CSMD1: variants seen among roughly 807,000 people sequenced by gnomAD.
CSMD1 encodes the protein CUB and sushi domain-containing protein 1.
In CSMD1, 213 loss-of-function variants were observed where a neutral mutation model predicts 417.5. The observed-to-expected ratio is 0.51, with a 90% confidence interval of 0.46 to 0.57. The LOEUF is 0.57. Ranked by LOEUF, CSMD1 falls within the 20% of genes least tolerant of loss-of-function variation. The pLI is 0.00. For synonymous variants in CSMD1, 2,862 were observed against 1,736.8 expected (o/e 1.65, Z -16.11); for missense variants, 6,923 against 4,529.7 (o/e 1.53, Z -15.17).
At chr8:4,092,842 C>G (rs959592081) in intron 3 of CSMD1, among the ~76,000 whole-genome samples, 1 of 152,066 alleles carries the variant, frequency 6.6e-6, no homozygotes, top group Non-Finnish European at 1.5e-5. Context: ...AAGCACTTTG[C>G]TGGTTGAATA....
At chr8:4,987,781 G>C (rs998665778) in intron 1 of CSMD1, among the ~76,000 whole-genome samples, 1 of 152,092 alleles carries the variant, frequency 6.6e-6, no homozygotes, top group Non-Finnish European at 1.5e-5. Context: ...CTGTCATCTT[G>C]GCTAAAAGAA....
At chr8:4,809,172 A>G (rs1418395144) in intron 1 of CSMD1, among the ~76,000 whole-genome samples, 1 of 152,246 alleles carries the variant, frequency 6.6e-6, no homozygotes, top group Non-Finnish European at 1.5e-5. Flanking sequence ...TTCATGATAA[A>G]TACACGTCTT....
At chr8:3,257,107 A>G (rs1009900319) in intron 26 of CSMD1, among the ~76,000 whole-genome samples, 3 of 152,090 alleles carry the variant, frequency 2.0e-5, no homozygotes, top group Admixed American at 2.0e-4. Flanking sequence ...GGATCACTTG[A>G]GGTCAGGAGT....
intron 3 of CSMD1, among the ~76,000 whole-genome samples, chr8:4,336,061 G>C (rs1187143316): frequency 6.6e-6 from 1 of 152,086 alleles, no homozygotes; most frequent in East Asian, 1.9e-4. Context: ...CTTCAATAAT[G>C]ATTAAGTTCC....
intron 25 of CSMD1, among the ~76,000 whole-genome samples, chr8:3,302,672 G>T: frequency 6.6e-6 from 1 of 152,178 alleles, no homozygotes; most frequent in East Asian, 1.9e-4. Flanking sequence ...GTCACCAGCA[G>T]ATGTTGAAAG....
intron 3 of CSMD1, among the ~76,000 whole-genome samples, chr8:4,261,893 T>C (rs1032773660): frequency 1.3e-5 from 2 of 152,190 alleles, no homozygotes; most frequent in African/African-American, 4.8e-5. Flanking sequence ...AAAAAGTAGA[T>C]GTGGAACTTA....
intron 7 of CSMD1, among the ~76,000 whole-genome samples, chr8:3,676,940 G>C (rs1218151979): frequency 1.3e-5 from 2 of 152,032 alleles, no homozygotes; most frequent in African/African-American, 4.8e-5. Context: ...ACTCATAAGT[G>C]GGAGTTAAAC....
chr8:4,746,737 G>A (rs1481248499), intron 1 of CSMD1, among the ~76,000 whole-genome samples: 1 of 152,168 alleles, frequency 6.6e-6, no homozygotes, highest in Non-Finnish European at 1.5e-5. Context: ...CTCGGTGGGA[G>A]TCACCGGTAG....
intron 26 of CSMD1, among the ~76,000 whole-genome samples, chr8:3,249,626 G>C (rs967822197): frequency 6.6e-6 from 1 of 152,106 alleles, no homozygotes; most frequent in Non-Finnish European, 1.5e-5. Flanking sequence ...ATACATATAG[G>C]AGATAATGTA....
At chr8:3,616,045 A>G (rs1008110564) in intron 8 of CSMD1, among the ~76,000 whole-genome samples, 1 of 152,218 alleles carries the variant, frequency 6.6e-6, no homozygotes, top group Non-Finnish European at 1.5e-5. Context: ...TGATACTAAC[A>G]TGCATCATTC....
chr8:3,554,975 C>G (rs1270946460), intron 10 of CSMD1, among the ~76,000 whole-genome samples: 1 of 151,984 alleles, frequency 6.6e-6, no homozygotes, highest in East Asian at 2.0e-4. Context: ...CACCTGGGCT[C>G]TTGTCAGAAG....
At chr8:4,568,075 G>C (rs1031551685) in intron 2 of CSMD1, among the ~76,000 whole-genome samples, 1 of 152,118 alleles carries the variant, frequency 6.6e-6, no homozygotes, top group Non-Finnish European at 1.5e-5. Context: ...TGAATGCTTG[G>C]TTAATGCAAG....
chr8:3,684,446 A>C (rs1315963917), intron 7 of CSMD1, among the ~76,000 whole-genome samples: 1 of 150,308 alleles, frequency 6.7e-6, no homozygotes, highest in Admixed American at 6.7e-5. Flanking sequence ...CATAGTACTT[A>C]ACAATTTTAT....
At chr8:3,105,674 G>A (rs991085931) in intron 46 of CSMD1, among the ~76,000 whole-genome samples, 7 of 152,174 alleles carry the variant, frequency 4.6e-5, no homozygotes, top group Admixed American at 2.0e-4. Context: ...AACTTGAGAT[G>A]TGCATGTTTC....
intron 5 of CSMD1, among the ~76,000 whole-genome samples, chr8:3,922,779 T>C (rs1309194425): frequency 6.6e-6 from 1 of 152,170 alleles, no homozygotes; most frequent in Non-Finnish European, 1.5e-5. Context: ...AGTACATTTG[T>C]CTGTACTTTT....
chr8:3,578,119 A>G (rs1800228208), intron 9 of CSMD1, among the ~76,000 whole-genome samples: 2 of 152,230 alleles, frequency 1.3e-5, no homozygotes, highest in African/African-American at 4.8e-5. Context: ...TCCATCTAGC[A>G]CACCCACTGT....
At chr8:3,162,924 T>C (rs891282722) in intron 37 of CSMD1, among the ~76,000 whole-genome samples, 2 of 152,186 alleles carry the variant, frequency 1.3e-5, no homozygotes, top group Non-Finnish European at 2.9e-5. Flanking sequence ...CATATAATAC[T>C]GGAACTCAGC....
At chr8:3,327,807 G>A (rs1411535001) in intron 23 of CSMD1, among the ~76,000 whole-genome samples, 2 of 152,172 alleles carry the variant, frequency 1.3e-5, no homozygotes, top group African/African-American at 2.4e-5. Flanking sequence ...TAAATGTTGT[G>A]TTTTTTCCTT....
chr8:3,419,180 C>T (rs897255710), intron 12 of CSMD1, among the ~76,000 whole-genome samples: 1 of 152,170 alleles, frequency 6.6e-6, no homozygotes, highest in Non-Finnish European at 1.5e-5. Context: ...AACTTTTTGC[C>T]TTATCAAGTA....
Sources: gnomAD v4.1 joint callset for allele counts (sites outside exome capture counted in the v4.1 genomes callset) on GRCh38, gnomAD v4.1.1 for gene constraint, MANE v1.5 for transcripts, NCBI Gene and HGNC (gene_info 2026-07-23, HGNC 2026-07-21) for gene names.